Variants in RBFOX1 observed in about 807,000 individuals in gnomAD.
RBFOX1 encodes the protein RNA binding protein fox-1 homolog 1.
Under a neutral mutation model 57.7 loss-of-function variants are expected in RBFOX1, and 8 were observed. That is an observed-to-expected ratio of 0.14 (90% CI 0.08 to 0.25). The LOEUF (loss-of-function observed/expected upper bound fraction) is 0.25, where lower values mean the gene tolerates loss of function less well. Ranked by LOEUF, RBFOX1 falls within the 10% of genes least tolerant of loss-of-function variation. RBFOX1 has a pLI of 1.00. For synonymous variants in RBFOX1, 326 were observed against 222.4 expected (o/e 1.47, Z -4.15); for missense variants, 611 against 548.5 (o/e 1.11, Z -1.14).
At chr16:5,342,678 A>G (rs1373867339) in intron 1 of RBFOX1, among the ~76,000 whole-genome samples, 2 of 152,142 alleles carry the variant, frequency 1.3e-5, no homozygotes, top group South Asian at 2.1e-4. Flanking sequence ...CTTAGACTGC[A>G]TTGTGAAGGA....
At chr16:7,007,824 G>A (rs111365346) in intron 3 of RBFOX1, among the ~76,000 whole-genome samples, 14 of 152,302 alleles carry the variant, frequency 9.2e-5, no homozygotes, top group African/African-American at 3.1e-4. Context: ...GCTCCTGTGC[G>A]TTTCTGTAGC....
intron 3 of RBFOX1, among the ~76,000 whole-genome samples, chr16:6,923,278 A>T (rs559307541): frequency 2.4e-4 from 36 of 152,276 alleles, no homozygotes; most frequent in African/African-American, 8.7e-4. Flanking sequence ...TCATGCCTAT[A>T]ATCCCAGAAC....
chr16:7,529,006 C>T lies in RBFOX1; in HGVS notation c.270+10617C>T, dbSNP rs1001568886. Among the ~76,000 whole-genome samples the T allele has an allele frequency of 2.0e-5, 3 of 152,194 alleles. No individual in the cohort carries two copies. The East Asian group carries it at 5.8e-4, about 29-fold the overall frequency. On this transcript the variant is annotated intron_variant, in intron 5 of 15. Transcript: ENST00000550418. ...AGGCACAGTGGCTCACATCTGTAAT[C>T]CCAGCACTTTGGGAGGCCAAAGCAG...
intron 4 of RBFOX1, chr16:7,328,520 T>G (rs796296116): frequency 7.0e-6 from 1 of 143,770 alleles, no homozygotes; most frequent in Admixed American, 7.0e-5. Context: ...GGAAGGGAGA[T>G]GCAGTATCTG....
At chr16:7,271,114 T>G (rs1774141562) in intron 4 of RBFOX1, among the ~76,000 whole-genome samples, 1 of 152,122 alleles carries the variant, frequency 6.6e-6, no homozygotes, top group African/African-American at 2.4e-5. Flanking sequence ...TTGTGCACAT[T>G]TTTGAAGGAT....
chr16:5,963,874 C>G lies in RBFOX1; in HGVS notation c.351+96539C>G, dbSNP rs559536299. 1.4e-4 allele frequency among the ~76,000 whole-genome samples: 21 copies of G among 152,202 alleles called. No homozygotes were observed. The East Asian group carries it at 3.9e-3, about 28-fold the overall frequency. On this transcript the variant is annotated intron_variant, in intron 4 of 19. Transcript: ENST00000641259. ...GTTTTTTGGACATGACACAAAAACA[C>G]AGGCAACAAAAGCAAAAATAAAAAG...
intron 2 of RBFOX1, among the ~76,000 whole-genome samples, chr16:6,318,370 G>T (rs1355350519): frequency 2.0e-5 from 3 of 152,238 alleles, no homozygotes; most frequent in Middle Eastern, 3.4e-3. Context: ...AAAAAGGTGG[G>T]GGCTGTTTGG....
intron 1 of RBFOX1, among the ~76,000 whole-genome samples, chr16:6,230,396 T>C (rs111861137): frequency 3.3e-5 from 5 of 152,302 alleles, no homozygotes; most frequent in African/African-American, 1.2e-4. Flanking sequence ...CTTTAACTAA[T>C]ATGCCTCTGA....
chr16:5,370,284 C>G (rs905587103), intron 1 of RBFOX1, among the ~76,000 whole-genome samples: 9 of 152,018 alleles, frequency 5.9e-5, no homozygotes, highest in Non-Finnish European at 1.2e-4. Flanking sequence ...GACAAGCCCC[C>G]AAGCGTGAGA....
intron 10 of RBFOX1, among the ~76,000 whole-genome samples, chr16:7,608,778 T>A (rs2056850101): frequency 6.6e-6 from 1 of 152,198 alleles, no homozygotes; most frequent in South Asian, 2.1e-4. Context: ...ATATGAAGAG[T>A]GGTGTGTAGC....
In RBFOX1 at chr16:7,597,583, A is replaced by G. The variant is rs537128905; in HGVS notation, c.622+152A>G. 88 of 608,756 alleles carry G rather than the reference A, an allele frequency of 1.4e-4. No homozygotes were observed. The South Asian group carries it at 2.0e-3, about 14-fold the overall frequency. The allele number at this position is 608,756 out of a possible 1,614,324, so 37.7% of individuals were successfully genotyped here. A position where few individuals can be genotyped will look rare whatever the true frequency, so the allele number is the denominator to read the frequency against. On this transcript the variant is annotated intron_variant, in intron 9 of 15. Coordinates refer to ENST00000550418, the MANE Select transcript of RBFOX1 (RefSeq NM_018723.4). ...CTGCTACAGTGAACCACCTACATCAATAAGATCATTTTCACAACAAAGGCA... is the reference window on the plus strand; with the variant it reads ...CTGCTACAGTGAACCACCTACATCAGTAAGATCATTTTCACAACAAAGGCA...
At chr16:6,435,193 A>C (rs1192413236) in intron 2 of RBFOX1, among the ~76,000 whole-genome samples, 2 of 152,002 alleles carry the variant, frequency 1.3e-5, no homozygotes, top group Non-Finnish European at 2.9e-5. Flanking sequence ...GATCACCTTT[A>C]CTCATTCAGA....
intron 4 of RBFOX1, among the ~76,000 whole-genome samples, chr16:7,066,600 A>C (rs1026438767): frequency 6.6e-6 from 1 of 152,206 alleles, no homozygotes; most frequent in Non-Finnish European, 1.5e-5. Context: ...ACCCTGACTC[A>C]TAAAGCGGGG....
intron 4 of RBFOX1, among the ~76,000 whole-genome samples, chr16:7,120,172 T>C (rs2066795739): frequency 1.3e-5 from 2 of 152,064 alleles, no homozygotes; most frequent in Non-Finnish European, 1.5e-5. Flanking sequence ...AAATATATGG[T>C]GGGAAGCGAA....
chr16:6,111,562 G>C (rs1484388877), intron 1 of RBFOX1, among the ~76,000 whole-genome samples: 1 of 152,198 alleles, frequency 6.6e-6, no homozygotes, highest in Admixed American at 6.5e-5. Context: ...TGGAGTTACA[G>C]AGCAAAGCCC....
In RBFOX1 at chr16:7,234,728, A is replaced by C. The variant is rs529846546; in HGVS notation, c.27+182630A>C. 1.3e-3 allele frequency among the ~76,000 whole-genome samples: 191 copies of C among 150,872 alleles called. 1 individual carries two copies. The highest frequency in any genetic ancestry group is 2.9e-3 in the Admixed American group (43 of 15,074). ...TATATATATAAGTTGCTTTCACCAA[A>C]TCCTTGTAAATACCCTGTGCTGAAC... On this transcript the variant is annotated intron_variant, in intron 4 of 15. Transcript: ENST00000550418.
chr16:6,566,365 A>G (rs1414258909), intron 2 of RBFOX1, among the ~76,000 whole-genome samples: 3 of 152,090 alleles, frequency 2.0e-5, no homozygotes, highest in South Asian at 2.1e-4. Flanking sequence ...TAGTTATAGT[A>G]TTGTCATTCT....
chr16:6,142,514 C>T (rs766720815), intron 1 of RBFOX1, among the ~76,000 whole-genome samples: 31 of 151,882 alleles, frequency 2.0e-4, no homozygotes, highest in Non-Finnish European at 4.3e-4. Flanking sequence ...AGCCACCATG[C>T]CTGGCCAAAA....
chr16:5,946,013 G>C lies in RBFOX1; in HGVS notation c.351+78678G>C, dbSNP rs565020238. ...AACATCCACACCGGCGTCCACATTGGGTTTAAAAAGAGAAAAGAAGTCTGC... is the reference window on the plus strand; with the variant it reads ...AACATCCACACCGGCGTCCACATTGCGTTTAAAAAGAGAAAAGAAGTCTGC... On this transcript the variant is annotated intron_variant, in intron 4 of 19. Transcript: ENST00000641259. The surrounding 1 kb of genome is among the most constrained non-coding windows in gnomAD (Gnocchi z 4.6). Among the ~76,000 whole-genome samples the C allele has an allele frequency of 1.3e-5, 2 of 152,296 alleles. No homozygotes were observed. The highest frequency in any genetic ancestry group is 4.8e-5 in the African/African-American group (2 of 41,562).
Sources: gnomAD v4.1 joint callset for allele counts (sites outside exome capture counted in the v4.1 genomes callset) on GRCh38, gnomAD v4.1.1 for gene constraint, Gnocchi (gnomAD v3.1) non-coding constraint, MANE v1.5 for transcripts, NCBI Gene and HGNC (gene_info 2026-07-23, HGNC 2026-07-21) for gene names.